Variants in IL1RAPL1 observed in about 807,000 individuals in gnomAD.
IL1RAPL1 encodes interleukin-1 receptor accessory protein-like 1.
A neutral mutation model predicts 48.4 loss-of-function variants in IL1RAPL1; 3 were observed. The ratio of observed to expected loss-of-function variants is 0.06; its 90% CI spans 0.03 to 0.16. The LOEUF is 0.16. Among genes scored for constraint, IL1RAPL1 ranks in the 10% least tolerant of loss-of-function variants. IL1RAPL1 has a pLI of 1.00. For missense variants in IL1RAPL1, 349 were observed against 530.6 expected, an observed-to-expected ratio of 0.66 and a Z score of 3.36; for synonymous variants, 185 against 187.7, an observed-to-expected ratio of 0.99 and a Z score of 0.12.
At chrX:29,894,913 C>T (rs1038304838) in intron 6 of IL1RAPL1, among the ~76,000 whole-genome samples, 5 of 110,424 alleles carry the variant, frequency 4.5e-5, no homozygotes, top group Non-Finnish European at 9.5e-5. Context: ...ACTGCAACCT[C>T]TGCCTCCCAG....
At chrX:29,010,984 T>G (rs1360528217) in intron 2 of IL1RAPL1, among the ~76,000 whole-genome samples, 1 of 112,202 alleles carries the variant, frequency 8.9e-6, no homozygotes, top group African/African-American at 3.2e-5. Context: ...TTTTTATATT[T>G]TCCTTCATTA....
At chrX:29,021,698 T>A (rs1362890818) in intron 2 of IL1RAPL1, among the ~76,000 whole-genome samples, 3 of 112,019 alleles carry the variant, frequency 2.7e-5, no homozygotes, top group Non-Finnish European at 5.6e-5. Context: ...TTATTTTAAA[T>A]TTTTAATCTG....
intron 2 of IL1RAPL1, among the ~76,000 whole-genome samples, chrX:29,170,391 A>G (rs1026568667): frequency 8.9e-6 from 1 of 112,004 alleles, no homozygotes; most frequent in Non-Finnish European, 1.9e-5. Flanking sequence ...CAGAGAATGA[A>G]CATGTCTTTA....
At chrX:29,121,572 C>A (rs997787621) in intron 2 of IL1RAPL1, among the ~76,000 whole-genome samples, 2 of 111,540 alleles carry the variant, frequency 1.8e-5, no homozygotes, top group African/African-American at 6.5e-5. Flanking sequence ...ATGCAGAAAA[C>A]CCTAAAGAAT....
chrX:29,522,205 G>A (rs1935510147), intron 5 of IL1RAPL1, among the ~76,000 whole-genome samples: 1 of 110,169 alleles, frequency 9.1e-6, no homozygotes, highest in African/African-American at 3.3e-5. Flanking sequence ...TCTCACCCAG[G>A]GTGGAATGCA....
intron 1 of IL1RAPL1, among the ~76,000 whole-genome samples, chrX:28,695,888 C>T (rs7886562): frequency 0.028 from 3,113 of 111,564 alleles, 107 homozygotes; most frequent in African/African-American, 0.096. Flanking sequence ...ACAAACAAAC[C>T]AGAAATATAT....
intron 2 of IL1RAPL1, among the ~76,000 whole-genome samples, chrX:29,029,379 T>C (rs1046594767): frequency 4.5e-5 from 5 of 111,374 alleles, no homozygotes; most frequent in Non-Finnish European, 9.4e-5. Context: ...GTAGAAGGTA[T>C]CTCTCTTCAC....
chrX:28,933,519 G>A (rs185030501), intron 2 of IL1RAPL1, among the ~76,000 whole-genome samples: 118 of 111,597 alleles, frequency 1.1e-3, no homozygotes, highest in African/African-American at 3.3e-3. Flanking sequence ...TTTCCTCTTG[G>A]AAGATAACTT....
At chrX:29,643,546 A>G (rs1472221085) in intron 5 of IL1RAPL1, among the ~76,000 whole-genome samples, 1 of 112,374 alleles carries the variant, frequency 8.9e-6, no homozygotes, top group Admixed American at 9.4e-5. Flanking sequence ...AGCAAGTTAG[A>G]TAACATATTG....
chrX:28,898,300 CTTTTT>C (rs1227127397), intron 2 of IL1RAPL1, among the ~76,000 whole-genome samples: 18 of 111,702 alleles, frequency 1.6e-4, no homozygotes, highest in African/African-American at 5.9e-4. Context: ...TATTTTTTGT[CTTTTT>C]TGTTTTAAGT....
Position 29,350,191 on chromosome X carries a change from T to TTATATATA in IL1RAPL1, c.363-46041_363-46034dup, listed in dbSNP as rs397897010. 7.1e-3 allele frequency among the ~76,000 whole-genome samples: 280 copies of TTATATATA among 39,396 alleles called. 5 individuals carry two copies. The highest frequency in any genetic ancestry group is 9.6e-3 in the African/African-American group (55 of 5,742). The allele number at this position is 39,396 out of a possible 115,157, so 34.2% of individuals were successfully genotyped here. A position where few individuals can be genotyped will look rare whatever the true frequency, so the allele number is the denominator to read the frequency against. On this transcript the variant is annotated intron_variant, in intron 3 of 10. Coordinates refer to ENST00000378993, the MANE Select transcript of IL1RAPL1 (RefSeq NM_014271.4). ...CTCCCTTGGTCTACATACTGTTATT[T>TTATATATA]TATATATATATATATATATATATAT... is the stretch of plus-strand genomic sequence containing the variant.
intron 6 of IL1RAPL1, among the ~76,000 whole-genome samples, chrX:29,731,803 T>G (rs1197604780): frequency 2.7e-5 from 3 of 112,046 alleles, no homozygotes; most frequent in Non-Finnish European, 5.6e-5. Context: ...TTGATTGTCC[T>G]GCAGATGCCA....
chrX:29,248,622 A>C (rs1455856055), intron 2 of IL1RAPL1, among the ~76,000 whole-genome samples: 1 of 111,922 alleles, frequency 8.9e-6, no homozygotes, highest in Non-Finnish European at 1.9e-5. Context: ...TAAAATAAAC[A>C]TAAATTAACA....
chrX:29,856,660 G>A (rs919064224), intron 6 of IL1RAPL1, among the ~76,000 whole-genome samples: 1 of 111,435 alleles, frequency 9.0e-6, no homozygotes, highest in African/African-American at 3.3e-5. Flanking sequence ...CTGAATTCAT[G>A]TATCCAGGGA....
chrX:29,882,929 G>A (rs1203734421), intron 6 of IL1RAPL1, among the ~76,000 whole-genome samples: 1 of 111,651 alleles, frequency 9.0e-6, no homozygotes, highest in African/African-American at 3.3e-5. Flanking sequence ...TTCTGCAGTA[G>A]CATCTGGTGA....
At chrX:28,784,056 T>A (rs990287260) in intron 1 of IL1RAPL1, among the ~76,000 whole-genome samples, 2 of 112,094 alleles carry the variant, frequency 1.8e-5, no homozygotes, top group Non-Finnish European at 3.8e-5. Context: ...ATAATTTGTG[T>A]TTAATTTCCT....
intron 6 of IL1RAPL1, among the ~76,000 whole-genome samples, chrX:29,799,675 T>G (rs1426489319): frequency 1.5e-4 from 17 of 112,341 alleles, no homozygotes; most frequent in Middle Eastern, 4.6e-3. Context: ...ACTCAATAGG[T>G]GCACGTGGCT....
At chrX:28,609,265 C>T (rs1334244936) in intron 1 of IL1RAPL1, among the ~76,000 whole-genome samples, 1 of 111,011 alleles carries the variant, frequency 9.0e-6, no homozygotes, top group Non-Finnish European at 1.9e-5. Context: ...CTTTGAGAGG[C>T]GTATTTGATT....
intron 3 of IL1RAPL1, among the ~76,000 whole-genome samples, chrX:29,326,894 G>C (rs1932846213): frequency 1.8e-5 from 2 of 111,919 alleles, no homozygotes; most frequent in Non-Finnish European, 3.8e-5. Flanking sequence ...GGTTTTCCAT[G>C]TTTTCCTTCT....
Sources: gnomAD v4.1 joint callset for allele counts (sites outside exome capture counted in the v4.1 genomes callset) on GRCh38, gnomAD v4.1.1 for gene constraint, MANE v1.5 for transcripts, NCBI Gene and HGNC (gene_info 2026-07-23, HGNC 2026-07-21) for gene names.